The following DGKH variants were observed in gnomAD, a reference collection of about 807,000 sequenced individuals.
DGKH encodes DAG kinase eta.
In DGKH, 90 loss-of-function variants were observed where a neutral mutation model predicts 159.3. That is an observed-to-expected ratio of 0.57 (90% CI 0.48 to 0.67). DGKH has a LOEUF of 0.67. DGKH is among the 30% of genes least tolerant of loss of function. The probability of loss-of-function intolerance (pLI) is 0.00; values close to 1 mark genes in which losing one functional copy is unlikely to be tolerated. For synonymous variants in DGKH, 536 were observed against 553.8 expected (o/e 0.97, Z 0.45); for missense variants, 1,181 against 1,506.1 (o/e 0.78, Z 3.57).
At position 42,178,226 on chromosome 13, in the gene DGKH, T is replaced by C; in HGVS notation, c.1538+6T>C. 1 of 1,582,066 alleles carries C rather than the reference T, an allele frequency of 6.3e-7. No homozygotes were observed. Among genetic ancestry groups the C allele is most frequent in the Non-Finnish European group, 8.6e-7 (1 of 1,159,612 alleles). ...GTGGTCATATCTTCTGCCAAGTGAG[T>C]TGTGGGTTTTAAGTCTTTAAATATG... On this transcript the variant is annotated splice_donor_region_variant and intron_variant, in intron 13 of 29. Transcript: ENST00000337343.
chr13:42,168,914 C>T, intron 11 of DGKH, 96 bp downstream of exon 11: 1 of 1,343,626 alleles, frequency 7.4e-7, no homozygotes, highest in East Asian at 2.6e-5. Context: ...ATAAATTTTA[C>T]TGACTAGAAG....
At chr13:42,069,686 G>T (rs1183586857) in intron 1 of DGKH, 12 of 1,187,202 alleles carry the variant, frequency 1.0e-5, no homozygotes, top group Non-Finnish European at 1.4e-5. Flanking sequence ...ATAAGCTTGG[G>T]TTCATAGTAA....
intron 3 of DGKH, among the ~76,000 whole-genome samples, chr13:42,151,104 C>A (rs1297779888): frequency 1.3e-5 from 2 of 151,880 alleles, no homozygotes; most frequent in African/African-American, 4.8e-5. Context: ...GGAATGGAGC[C>A]CTCCCAACAT....
chr13:42,050,969 A>C (rs1881241566), intron 1 of DGKH, among the ~76,000 whole-genome samples: 1 of 152,266 alleles, frequency 6.6e-6, no homozygotes, highest in Non-Finnish European at 1.5e-5. Flanking sequence ...ACTGTTCGAA[A>C]GAAAACTGAG....
chr13:42,247,004 T>C (rs1372522302), downstream of DGKH, among the ~76,000 whole-genome samples: 1 of 152,090 alleles, frequency 6.6e-6, no homozygotes, highest in Non-Finnish European at 1.5e-5. Flanking sequence ...CCCACAAGAT[T>C]ATAATGAAGC....
intron 3 of DGKH, among the ~76,000 whole-genome samples, chr13:42,138,479 C>T (rs1048269584): frequency 2.0e-5 from 3 of 152,134 alleles, no homozygotes; most frequent in Non-Finnish European, 4.4e-5. Context: ...AGAGGGAAAG[C>T]TAATAAATAT....
chr13:42,173,521 G>A (rs1956516814), intron 11 of DGKH, among the ~76,000 whole-genome samples: 1 of 152,094 alleles, frequency 6.6e-6, no homozygotes, highest in South Asian at 2.1e-4. Flanking sequence ...ATTTAAGAAG[G>A]GGTATTTAGC....
chr13:42,130,665 A>G (rs1303966282), intron 3 of DGKH, among the ~76,000 whole-genome samples: 2 of 152,138 alleles, frequency 1.3e-5, no homozygotes, highest in Non-Finnish European at 2.9e-5. Flanking sequence ...GGGGAGACAG[A>G]CTGCTAAACA....
chr13:42,167,961 G>A (rs547791058), intron 9 of DGKH, among the ~76,000 whole-genome samples: 4 of 152,264 alleles, frequency 2.6e-5, no homozygotes, highest in African/African-American at 9.6e-5. Context: ...ATGGGCCTGA[G>A]AATAGGAGAA....
intron 7 of DGKH, among the ~76,000 whole-genome samples, chr13:42,162,521 A>G (rs1166188427): frequency 6.6e-6 from 1 of 152,030 alleles, no homozygotes; most frequent in Non-Finnish European, 1.5e-5. Flanking sequence ...CTCAAAAAAT[A>G]AAAAATAAAA....
chr13:42,156,950 G>A (rs1956062500), intron 5 of DGKH, among the ~76,000 whole-genome samples: 3 of 152,050 alleles, frequency 2.0e-5, no homozygotes, highest in Admixed American at 6.5e-5. Flanking sequence ...CGATAAGATG[G>A]GGATAATAGT....
chr13:42,154,846 C>G (rs1266586892), intron 3 of DGKH, among the ~76,000 whole-genome samples: 2 of 151,708 alleles, frequency 1.3e-5, no homozygotes, highest in Non-Finnish European at 2.9e-5. Flanking sequence ...CCAGACCATC[C>G]TGGCCAACAT....
At chr13:42,116,647 G>GT (rs1954974382) in intron 1 of DGKH, among the ~76,000 whole-genome samples, 1 of 152,214 alleles carries the variant, frequency 6.6e-6, no homozygotes, top group Admixed American at 6.5e-5. Flanking sequence ...TCGAAGGGCT[G>GT]TTTTTAAAGT....
chr13:42,212,613 T>G (rs745611177), intron 24 of DGKH, among the ~76,000 whole-genome samples: 1 of 152,234 alleles, frequency 6.6e-6, no homozygotes, highest in African/African-American at 2.4e-5. Context: ...GTAGTTTGGC[T>G]TCCCATCTGT....
Position 42,155,646 on chromosome 13 carries a change from GT to G in DGKH, c.490-20del. On this transcript the variant is annotated intron_variant, in intron 4 of 29. Coordinates refer to ENST00000337343, the MANE Select transcript of DGKH (RefSeq NM_178009.5). ...CCTTGTTCACTGGCTTGGCAAATCT[GT>G]CCTCACATCTCATTTCTAGGTGGCC... is the stretch of plus-strand genomic sequence containing the variant. 3.1e-6 allele frequency: 5 copies of G among 1,614,022 alleles called. No homozygotes were observed. The highest frequency in any genetic ancestry group is 4.2e-6 in the Non-Finnish European group (5 of 1,179,958).
At chr13:42,096,568 C>A (rs941886767) in intron 1 of DGKH, among the ~76,000 whole-genome samples, 3 of 152,146 alleles carry the variant, frequency 2.0e-5, no homozygotes, top group Non-Finnish European at 4.4e-5. Context: ...TAATTCAGAT[C>A]CCATTTATGT....
At chr13:42,127,677 G>A in intron 2 of DGKH, 104 bp downstream of exon 2, 1 of 777,568 alleles carries the variant, frequency 1.3e-6, no homozygotes, top group Non-Finnish European at 2.2e-6. Context: ...GTAGCATTAT[G>A]CTCTTATATG....
intron 5 of DGKH, among the ~76,000 whole-genome samples, chr13:42,157,651 C>G (rs1357008369): frequency 1.3e-5 from 2 of 152,156 alleles, no homozygotes; most frequent in Non-Finnish European, 2.9e-5. Context: ...TCTAGTTACA[C>G]ACTCATTTAT....
intron 3 of DGKH, among the ~76,000 whole-genome samples, chr13:42,141,682 GC>G (rs1037637486): frequency 2.0e-5 from 3 of 152,046 alleles, no homozygotes; most frequent in Admixed American, 6.5e-5. Context: ...GTGTCTTTTG[GC>G]TGTATAAATG....
Sources: allele counts gnomAD v4.1 joint callset (sites outside exome capture counted in the v4.1 genomes callset), GRCh38; gene constraint gnomAD v4.1.1; transcripts MANE v1.5; gene names NCBI Gene and HGNC (gene_info 2026-07-23, HGNC 2026-07-21).